The following TPM1 variants were observed in gnomAD, a reference collection of about 807,000 sequenced individuals.
TPM1 encodes tropomyosin 1, also known as tropomyosin alpha-1 chain.
In TPM1, 24 loss-of-function variants were observed where a neutral mutation model predicts 42.9. The ratio of observed to expected loss-of-function variants is 0.56; its 90% CI spans 0.41 to 0.79. The LOEUF is 0.79. Ranked by LOEUF, TPM1 falls within the 30% of genes least tolerant of loss-of-function variation. The probability of loss-of-function intolerance (pLI) is 0.00; values close to 1 mark genes in which losing one functional copy is unlikely to be tolerated. For synonymous variants in TPM1, 136 were observed against 130.1 expected (o/e 1.05, Z -0.31); for missense variants, 158 against 351.8 (o/e 0.45, Z 4.41).
At chr15:63,048,931 C>A (rs572770363) in intron 2 of TPM1, 1 of 638,200 alleles carries the variant, frequency 1.6e-6, no homozygotes. Context: ...GTAAACGCTC[C>A]CAGGGGAAAC....
intron 2 of TPM1, 174 bp from the exon 3 acceptor site, chr15:63,056,811 T>C (rs889360775): frequency 1.6e-4 from 122 of 777,816 alleles, no homozygotes; most frequent in South Asian, 1.5e-5. Context: ...TATAAATCAA[T>C]GTGTAAATGT....
At chr15:63,052,545 G>C (rs1596339459) in intron 2 of TPM1, among the ~76,000 whole-genome samples, 1 of 132,252 alleles carries the variant, frequency 7.6e-6, no homozygotes, top group East Asian at 2.5e-4. Context: ...AGAAGAAGAA[G>C]AAAGCTAACT....
Position 63,044,321 on chromosome 15 carries a change from A to C in TPM1, c.240+169A>C, listed in dbSNP as rs28730800. The C allele has an allele frequency of 2.7e-4, 248 of 908,362 alleles. 2 individuals carry two copies. In the East Asian group the frequency reaches 6.5e-3, roughly 24 times the overall value. 56.3% of individuals were successfully genotyped at this position (908,362 alleles called of 1,614,324 possible). ...ATGCCGCCTCTGACTGCTACTGCAC[A>C]CATTCATTTATATTTCATCCACTCC... On this transcript the variant is annotated intron_variant, in intron 2 of 9. Transcript: ENST00000403994.
At chr15:63,071,899 G>T (rs7178040) in exon 9 of TPM1, 19,478 of 152,722 alleles carry the variant, frequency 0.13, 1,530 homozygotes, top group Admixed American at 0.26. Flanking sequence ...AATGCACATT[G>T]TAGGACATTT....
chr15:63,065,680 T>G, intron 9 of TPM1: 1 of 978,858 alleles, frequency 1.0e-6, no homozygotes, highest in Non-Finnish European at 1.2e-6. Context: ...TGTTCATGGG[T>G]CTTCTTAAAA....
At chr15:63,043,371 A>T (rs1295276867) in intron 1 of TPM1, 2 of 577,312 alleles carry the variant, frequency 3.5e-6, no homozygotes, top group Non-Finnish European at 6.5e-6. Context: ...AGGAGAAGGG[A>T]GTCCTGGAGT....
At chr15:63,064,486 T>G in intron 9 of TPM1, 1 of 1,104,668 alleles carries the variant, frequency 9.1e-7, no homozygotes, top group Non-Finnish European at 1.1e-6. Flanking sequence ...TACAGGAACT[T>G]CTCAAAAAAT....
At chr15:63,070,657 C>T, downstream of TPM1, 3 of 1,001,906 alleles carry the variant, frequency 3.0e-6, no homozygotes, top group Non-Finnish European at 3.6e-6. Context: ...GTCATCTTTG[C>T]TTTTGTGAGT....
chr15:63,059,312 T>C (rs1445450352), intron 3 of TPM1, among the ~76,000 whole-genome samples: 1 of 152,236 alleles, frequency 6.6e-6, no homozygotes, highest in Admixed American at 6.5e-5. Flanking sequence ...TCATCATTAA[T>C]GTTAGATGCC....
At chr15:63,048,386 TTGTC>T (rs1396363726) in intron 2 of TPM1, 16 of 1,343,848 alleles carry the variant, frequency 1.2e-5, no homozygotes, top group Non-Finnish European at 1.4e-5. Context: ...CGCCTGCGGT[TTGTC>T]TGCGCAGCCC....
chr15:63,051,570 G>A (rs2033881981), intron 2 of TPM1, among the ~76,000 whole-genome samples: 1 of 151,832 alleles, frequency 6.6e-6, no homozygotes, highest in African/African-American at 2.4e-5. Context: ...TACCATATAA[G>A]GGCAGAAGTT....
At position 63,043,873 on chromosome 15, in the gene TPM1, A is replaced by ACTCTTT. The variant is rs763632819; in HGVS notation, c.115-143_115-138dup. Reference sequence around the variant, plus strand: ...GCACGGCGTGGCGCACGAATGGCTAACTCTTTCTCTTTCTCTCTCTCCCTC... The same window carrying ACTCTTT: ...GCACGGCGTGGCGCACGAATGGCTAACTCTTTCTCTTTCTCTTTCTCTCTCTCCCTC... On this transcript the variant is annotated intron_variant, in intron 1 of 9. Transcript: ENST00000403994. 160 of 1,549,720 alleles carry ACTCTTT rather than the reference A, an allele frequency of 1.0e-4. 1 individual carries two copies. In the East Asian group the frequency reaches 3.2e-3, roughly 31 times the overall value.
At chr15:63,058,347 A>G (rs928184375) in intron 3 of TPM1, among the ~76,000 whole-genome samples, 1 of 152,204 alleles carries the variant, frequency 6.6e-6, no homozygotes, top group Middle Eastern at 3.2e-3. Context: ...ACCAAGGCTC[A>G]CAGCATATTT....
downstream of TPM1, chr15:63,070,824 C>A (rs11632190): frequency 0.025 from 30,949 of 1,261,356 alleles, 503 homozygotes; most frequent in Non-Finnish European, 0.027. Flanking sequence ...TTCACCAAAC[C>A]CCACGTGCAT....
chr15:63,064,660 T>C, intron 9 of TPM1: 1 of 997,960 alleles, frequency 1.0e-6, no homozygotes, highest in Non-Finnish European at 1.2e-6. Flanking sequence ...GATCATCTCT[T>C]TTACTTTTAA....
intron 8 of TPM1, chr15:63,063,129 G>T: frequency 3.1e-6 from 3 of 981,628 alleles, no homozygotes; most frequent in Non-Finnish European, 3.6e-6. Context: ...AAGGAGGAGG[G>T]AAAAATTATA....
intron 2 of TPM1, chr15:63,048,683 C>G (rs373786931): frequency 6.5e-7 from 1 of 1,539,330 alleles, no homozygotes; most frequent in African/African-American, 1.4e-5. Flanking sequence ...GCGAGCTGGA[C>G]CACGAGAGGA....
At chr15:63,053,786 A>G (rs149283941) in intron 2 of TPM1, among the ~76,000 whole-genome samples, 1,833 of 150,220 alleles carry the variant, frequency 0.012, 46 homozygotes, top group African/African-American at 0.041. Flanking sequence ...GGTTCAAGCA[A>G]TTCTCCTGCC....
intron 2 of TPM1, chr15:63,045,938 G>A (rs1426572544): frequency 1.3e-5 from 2 of 152,102 alleles, no homozygotes; most frequent in Non-Finnish European, 2.9e-5. Context: ...GACACTTTAG[G>A]TTGTCTGGAG....
Sources: gnomAD v4.1 joint callset for allele counts (sites outside exome capture counted in the v4.1 genomes callset) on GRCh38, gnomAD v4.1.1 for gene constraint, MANE v1.5 for transcripts, NCBI Gene and HGNC (gene_info 2026-07-23, HGNC 2026-07-21) for gene names.